The following TANC2 variants were observed in gnomAD, a reference collection of about 807,000 sequenced individuals.
TANC2 encodes the protein tetratricopeptide repeat, ankyrin repeat and coiled-coil containing 2.
Under a neutral mutation model 210.5 loss-of-function variants are expected in TANC2, and 26 were observed. The ratio of observed to expected loss-of-function variants is 0.12; its 90% CI spans 0.09 to 0.17. The LOEUF is 0.17. TANC2 is among the 10% of genes least tolerant of loss of function. The pLI, the probability that TANC2 is intolerant of heterozygous loss-of-function variation, is 1.00. For missense variants in TANC2, 2,129 were observed against 2,608.9 expected (o/e 0.82, Z 4.01); for synonymous variants, 931 against 967.1 (o/e 0.96, Z 0.69).
intron 2 of TANC2, among the ~76,000 whole-genome samples, chr17:63,036,969 T>G (rs866763441): frequency 3.3e-5 from 5 of 152,182 alleles, no homozygotes; most frequent in South Asian, 4.2e-4. Context: ...TGTACTTATG[T>G]CTTTTTTTAC....
intron 9 of TANC2, among the ~76,000 whole-genome samples, chr17:63,307,119 C>G (rs1399407288): frequency 6.6e-6 from 1 of 152,008 alleles, no homozygotes; most frequent in Non-Finnish European, 1.5e-5. Context: ...AGGCAGGGTC[C>G]AAATCATCTA....
chr17:63,071,074 G>A (rs76592391), intron 2 of TANC2, among the ~76,000 whole-genome samples: 3,098 of 152,212 alleles, frequency 0.02, 41 homozygotes, highest in South Asian at 0.037. Context: ...AAAATGTATC[G>A]TATTTTCACA....
chr17:63,186,066 A>G (rs1040518080), intron 5 of TANC2, among the ~76,000 whole-genome samples: 1 of 152,182 alleles, frequency 6.6e-6, no homozygotes, highest in African/African-American at 2.4e-5. Flanking sequence ...CTTTGGGTCT[A>G]TAATCTATAT....
chr17:63,109,749 T>G (rs1486172555), intron 4 of TANC2, among the ~76,000 whole-genome samples: 1 of 151,826 alleles, frequency 6.6e-6, no homozygotes, highest in Non-Finnish European at 1.5e-5. Flanking sequence ...TCAGTGATAG[T>G]GAGCTTTCTT....
chr17:62,984,649 A>T (rs1202805468), intron 1 of TANC2, among the ~76,000 whole-genome samples: 1 of 151,570 alleles, frequency 6.6e-6, no homozygotes, highest in East Asian at 1.9e-4. Context: ...AGGTTTTTGT[A>T]TGTTGTGTTT....
intron 11 of TANC2, among the ~76,000 whole-genome samples, chr17:63,324,620 G>A (rs1215783901): frequency 6.6e-6 from 1 of 152,134 alleles, no homozygotes; most frequent in Non-Finnish European, 1.5e-5. Context: ...ATACCCCATA[G>A]ATGATGTTTT....
chr17:63,299,756 T>C (rs966226849), intron 9 of TANC2, among the ~76,000 whole-genome samples: 3 of 152,196 alleles, frequency 2.0e-5, no homozygotes, highest in African/African-American at 7.2e-5. Flanking sequence ...GATGATGGTT[T>C]CTTTTGCTGT....
At chr17:63,388,895 T>A in intron 16 of TANC2, 138 bp downstream of exon 16, 1 of 632,494 alleles carries the variant, frequency 1.6e-6, no homozygotes, top group Non-Finnish European at 2.4e-6. Flanking sequence ...TAATATATTT[T>A]AAATTGTTAA....
At chr17:63,348,555 T>C (rs956397607) in intron 12 of TANC2, among the ~76,000 whole-genome samples, 1 of 152,218 alleles carries the variant, frequency 6.6e-6, no homozygotes, top group Admixed American at 6.5e-5. Context: ...GATGTAGATA[T>C]AATGTAGTTT....
Position 63,420,879 on chromosome 17 carries a change from T to C in TANC2, c.5149T>C (p.Tyr1717His). 6.2e-7 allele frequency: 1 copy of C among 1,614,024 alleles called. No homozygotes were observed. The highest frequency in any genetic ancestry group is 8.5e-7 in the Non-Finnish European group (1 of 1,179,898). ...AAGCACCGTCATCCCCACAGGAGCCTATGGCCAAGTAGCCCATTCAATGGC... is the reference window on the plus strand; with the variant it reads ...AAGCACCGTCATCCCCACAGGAGCCCATGGCCAAGTAGCCCATTCAATGGC... Residue 1717 changes from tyrosine to histidine, a missense_variant, in exon 28 of 28, where the codon TAT (tyrosine) becomes CAT (histidine). By Grantham distance (83) the Tyr-to-His change is moderately conservative (BLOSUM62 2). Around this residue, in one of 5 missense-constraint regions of TANC2, gnomAD observed 584 missense variants for 627.3 expected, o/e 0.93. Coordinates refer to ENST00000689528, the Ensembl canonical transcript of TANC2. This position sits in a 1 kb window ranked among gnomAD's most constrained non-coding sequence, Gnocchi z 4.2.
intron 6 of TANC2, among the ~76,000 whole-genome samples, chr17:63,199,978 G>A (rs967415653): frequency 5.3e-5 from 8 of 152,106 alleles, no homozygotes; most frequent in African/African-American, 1.9e-4. Context: ...CTGGACAGCT[G>A]CCTATGTATC....
chr17:63,304,828 G>C (rs2044843793), intron 9 of TANC2, among the ~76,000 whole-genome samples: 1 of 152,198 alleles, frequency 6.6e-6, no homozygotes, highest in Admixed American at 6.5e-5. Context: ...AATGAGGAGG[G>C]ATGGGTCAGG....
intron 12 of TANC2, among the ~76,000 whole-genome samples, chr17:63,347,562 T>G (rs766305877): frequency 2.0e-5 from 3 of 152,204 alleles, no homozygotes; most frequent in Non-Finnish European, 4.4e-5. Context: ...CACTTTCAAT[T>G]TAGAGTCAGA....
At chr17:63,131,168 T>C (rs2038903305) in intron 4 of TANC2, among the ~76,000 whole-genome samples, 1 of 152,210 alleles carries the variant, frequency 6.6e-6, no homozygotes. Flanking sequence ...TGTTGTAGTA[T>C]AACAACAGAA....
chr17:63,398,001 A>T (rs1388693057), intron 18 of TANC2, among the ~76,000 whole-genome samples: 2 of 152,198 alleles, frequency 1.3e-5, no homozygotes, highest in Non-Finnish European at 2.9e-5. Context: ...AAATTTTATC[A>T]TCTGTGGGAG....
At chr17:63,009,668 A>G in intron 2 of TANC2, 42 bp downstream of exon 2, 1 of 1,560,828 alleles carries the variant, frequency 6.4e-7, no homozygotes, top group Non-Finnish European at 8.8e-7. Flanking sequence ...ATATTTTACA[A>G]ATACAAGTTC....
chr17:63,142,141 T>G (rs769191250), intron 4 of TANC2, among the ~76,000 whole-genome samples: 6 of 152,228 alleles, frequency 3.9e-5, no homozygotes, highest in Non-Finnish European at 7.3e-5. Context: ...CCAACTTCTT[T>G]CTTAATTTTC....
At chr17:63,188,300 TAAA>T (rs71357050) in intron 5 of TANC2, among the ~76,000 whole-genome samples, 2 of 143,988 alleles carry the variant, frequency 1.4e-5, no homozygotes, top group Non-Finnish European at 3.0e-5. Flanking sequence ...CCCCATCTCT[TAAA>T]AAAAAAAAAA....
intron 3 of TANC2, among the ~76,000 whole-genome samples, chr17:63,098,573 T>C (rs2037503073): frequency 6.7e-6 from 1 of 149,330 alleles, no homozygotes; most frequent in South Asian, 2.1e-4. Flanking sequence ...ACCATATGTT[T>C]ATGGTTCTAA....
Sources: allele counts gnomAD v4.1 joint callset (sites outside exome capture counted in the v4.1 genomes callset), GRCh38; gene constraint gnomAD v4.1.1; regional missense constraint gnomAD v4.1.1; non-coding constraint Gnocchi (gnomAD v3.1); transcripts MANE v1.5; gene names NCBI Gene and HGNC (gene_info 2026-07-23, HGNC 2026-07-21).